Variants in RCAN2 observed in about 807,000 individuals in gnomAD.
RCAN2 encodes the protein regulator of calcineurin 2.
Under a neutral mutation model 23.6 loss-of-function variants are expected in RCAN2, and 9 were observed. The ratio of observed to expected loss-of-function variants is 0.38; its 90% CI spans 0.23 to 0.67. The LOEUF is 0.67. Among genes scored for constraint, RCAN2 ranks in the 30% least tolerant of loss-of-function variants. The probability of loss-of-function intolerance (pLI) is 0.51; values close to 1 mark genes in which losing one functional copy is unlikely to be tolerated. For missense variants in RCAN2, 273 were observed against 302.3 expected (o/e 0.90, Z 0.72); for synonymous variants, 109 against 115.7 (o/e 0.94, Z 0.37).
intron 2 of RCAN2, among the ~76,000 whole-genome samples, chr6:46,386,629 A>C (rs1259308031): frequency 6.6e-6 from 1 of 151,074 alleles, no homozygotes; most frequent in African/African-American, 2.4e-5. Context: ...AAAAAAAAAA[A>C]ACTAAACTAA....
intron 2 of RCAN2, among the ~76,000 whole-genome samples, chr6:46,353,420 G>A (rs116304493): frequency 0.014 from 2,200 of 152,254 alleles, 55 homozygotes; most frequent in African/African-American, 0.049. Context: ...GCAGGTGGGA[G>A]CAACTGGAAT....
intron 1 of RCAN2, among the ~76,000 whole-genome samples, chr6:46,467,677 C>A (rs558728539): frequency 1.2e-4 from 18 of 152,362 alleles, no homozygotes; most frequent in African/African-American, 3.8e-4. Flanking sequence ...CATCTCTGGG[C>A]ACCATATGCA....
At chr6:46,272,584 A>G (rs1767556239) in intron 2 of RCAN2, among the ~76,000 whole-genome samples, 1 of 152,250 alleles carries the variant, frequency 6.6e-6, no homozygotes, top group African/African-American at 2.4e-5. Flanking sequence ...CACACAATAC[A>G]TAAAACAAAA....
intron 1 of RCAN2, among the ~76,000 whole-genome samples, chr6:46,462,990 C>A (rs1768267292): frequency 6.6e-6 from 1 of 152,260 alleles, no homozygotes; most frequent in Middle Eastern, 3.4e-3. Context: ...ATGAGAACAA[C>A]CTGGGAGCCA....
chr6:46,266,563 G>T (rs191124300), intron 2 of RCAN2, among the ~76,000 whole-genome samples: 1 of 152,062 alleles, frequency 6.6e-6, no homozygotes, highest in African/African-American at 2.4e-5. Flanking sequence ...GAGTATCCCC[G>T]GAAGAATTTA....
intron 2 of RCAN2, among the ~76,000 whole-genome samples, chr6:46,444,706 C>T (rs997616332): frequency 2.0e-5 from 3 of 152,168 alleles, no homozygotes; most frequent in African/African-American, 7.2e-5. Flanking sequence ...CTTCATGCTC[C>T]AGCATATTCA....
At chr6:46,333,252 C>A (rs1764040967) in intron 2 of RCAN2, among the ~76,000 whole-genome samples, 1 of 152,074 alleles carries the variant, frequency 6.6e-6, no homozygotes, top group African/African-American at 2.4e-5. Flanking sequence ...ATTATTTTCC[C>A]AACCTTTATC....
intron 2 of RCAN2, among the ~76,000 whole-genome samples, chr6:46,376,052 G>A (rs1240733097): frequency 6.6e-6 from 1 of 152,096 alleles, no homozygotes; most frequent in Non-Finnish European, 1.5e-5. Flanking sequence ...CCCTGGAATA[G>A]GTATCAATTC....
At chr6:46,269,400 C>A (rs1384970506) in intron 2 of RCAN2, among the ~76,000 whole-genome samples, 4 of 152,176 alleles carry the variant, frequency 2.6e-5, no homozygotes, top group Non-Finnish European at 5.9e-5. Flanking sequence ...CAGCTGTGTT[C>A]TTGTGTTACA....
chr6:46,433,750 T>C (rs961108682), intron 2 of RCAN2, among the ~76,000 whole-genome samples: 1 of 152,232 alleles, frequency 6.6e-6, no homozygotes, highest in South Asian at 2.1e-4. Context: ...TCTAAGATAA[T>C]ACATTTGCAT....
intron 2 of RCAN2, among the ~76,000 whole-genome samples, chr6:46,263,162 A>G (rs1767171856): frequency 1.3e-5 from 2 of 152,186 alleles, no homozygotes; most frequent in South Asian, 2.1e-4. Context: ...GAACCAGACA[A>G]TGTTGAGAGA....
chr6:46,332,441 T>C (rs1764004371), intron 2 of RCAN2, among the ~76,000 whole-genome samples: 1 of 149,054 alleles, frequency 6.7e-6, no homozygotes, highest in South Asian at 2.2e-4. Context: ...GTATATCTCC[T>C]AAAGTTATCC....
chr6:46,362,132 T>C (rs949564234), intron 2 of RCAN2, among the ~76,000 whole-genome samples: 4 of 152,176 alleles, frequency 2.6e-5, no homozygotes, highest in Non-Finnish European at 5.9e-5. Flanking sequence ...AAGATCATGA[T>C]TGGGAAGACC....
chr6:46,221,701 C>A lies in RCAN2; in HGVS notation c.*1440G>T. 1 of 381,216 alleles carries A rather than the reference C, an allele frequency of 2.6e-6. No homozygotes were observed. 23.6% of individuals were successfully genotyped at this position (381,216 alleles called of 1,614,324 possible). Reference sequence around the variant, plus strand: ...CCACAACAATCCCTCAATCTGTTTGCTGTGTTATTGTTCTTGTGTGTTTTT... The same window carrying A: ...CCACAACAATCCCTCAATCTGTTTGATGTGTTATTGTTCTTGTGTGTTTTT... On this transcript the variant is annotated 3_prime_UTR_variant, in exon 5 of 5. Transcript: ENST00000371374.
chr6:46,335,199 G>T (rs1252428569), intron 2 of RCAN2, among the ~76,000 whole-genome samples: 1 of 152,126 alleles, frequency 6.6e-6, no homozygotes, highest in Admixed American at 6.5e-5. Context: ...TTTCTCTTGT[G>T]CCTTTGAATT....
At chr6:46,476,728 C>T (rs537796041) in intron 1 of RCAN2, among the ~76,000 whole-genome samples, 1 of 152,084 alleles carries the variant, frequency 6.6e-6, no homozygotes, top group Non-Finnish European at 1.5e-5. Flanking sequence ...GTTTTTTAAA[C>T]AGCTTACAGC....
intron 2 of RCAN2, among the ~76,000 whole-genome samples, chr6:46,417,045 C>A (rs1250750236): frequency 6.6e-6 from 1 of 152,122 alleles, no homozygotes; most frequent in Non-Finnish European, 1.5e-5. Context: ...TTGCTATTTT[C>A]ACTGTGATGA....
chr6:46,426,428 T>C (rs1206995914), intron 2 of RCAN2, among the ~76,000 whole-genome samples: 1 of 152,210 alleles, frequency 6.6e-6, no homozygotes, highest in Non-Finnish European at 1.5e-5. Context: ...TAAATGTTAA[T>C]TCTTTTCATC....
intron 2 of RCAN2, among the ~76,000 whole-genome samples, chr6:46,442,523 C>T (rs1429003632): frequency 6.6e-6 from 1 of 152,186 alleles, no homozygotes; most frequent in Admixed American, 6.5e-5. Flanking sequence ...TTTAATAATT[C>T]ACAGTCACTG....
Sources: gnomAD v4.1 joint callset for allele counts (sites outside exome capture counted in the v4.1 genomes callset) on GRCh38, gnomAD v4.1.1 for gene constraint, MANE v1.5 for transcripts, NCBI Gene and HGNC (gene_info 2026-07-23, HGNC 2026-07-21) for gene names.